The following MAGI3 variants were observed in gnomAD, a reference collection of about 807,000 sequenced individuals.
MAGI3 encodes the protein membrane-associated guanylate kinase, WW and PDZ domain-containing protein 3.
MAGI3 carries 43 observed loss-of-function variants against 121.8 expected under a neutral mutation model. That is an observed-to-expected ratio of 0.35 (90% CI 0.28 to 0.46). The LOEUF (loss-of-function observed/expected upper bound fraction) is 0.46. MAGI3 is among the 20% of genes least tolerant of loss of function. The pLI, the probability that MAGI3 is intolerant of heterozygous loss-of-function variation, is 1.00. For synonymous variants in MAGI3, 553 were observed against 639.3 expected, an observed-to-expected ratio of 0.86 and a Z score of 2.04; for missense variants, 1,547 against 1,797.3, an observed-to-expected ratio of 0.86 and a Z score of 2.52.
chr1:113,559,555 T>C (rs1660136947), intron 2 of MAGI3, among the ~76,000 whole-genome samples: 1 of 152,000 alleles, frequency 6.6e-6, no homozygotes, highest in South Asian at 2.1e-4. Context: ...AGCACCCAGA[T>C]TCATAAAGTT....
rs1049975584 is a variant in MAGI3, at chr1:113,432,068, G to T, written c.316+40719G>T. Among the ~76,000 whole-genome samples, 4 of 152,308 alleles carry T rather than the reference G, an allele frequency of 2.6e-5. 1 individual carries two copies. The East Asian group carries it at 7.7e-4, about 29-fold the overall frequency. On this transcript the variant is annotated intron_variant, in intron 1 of 20. Transcript: ENST00000307546. ...CTTTATGGAAACTTAATGTATGTCA[G>T]AGTGACACTGCAAGTTTGTGGAAAA... is the stretch of plus-strand genomic sequence containing the variant.
Position 113,607,437 on chromosome 1 carries a change from A to G in MAGI3, c.1019-7164A>G, listed in dbSNP as rs186434325. ...TATATAGTTTTTAAACTAACCTCAC[A>G]TAAAATGGAAATGTCACTTTAAAAG... On this transcript the variant is annotated intron_variant, in intron 6 of 20. Coordinates refer to ENST00000307546, the MANE Select transcript of MAGI3 (RefSeq NM_001142782.2). 3.9e-5 allele frequency among the ~76,000 whole-genome samples: 6 copies of G among 152,342 alleles called. No homozygotes were observed. The East Asian group carries it at 1.2e-3, about 29-fold the overall frequency.
chr1:113,451,066 A>C (rs1654461390), intron 1 of MAGI3, among the ~76,000 whole-genome samples: 1 of 152,140 alleles, frequency 6.6e-6, no homozygotes, highest in South Asian at 2.1e-4. Context: ...ATTGCCCTGT[A>C]AATTGTGGTA....
intron 13 of MAGI3, 123 bp from the exon 14 acceptor site, chr1:113,650,891 A>G: frequency 1.2e-6 from 1 of 810,012 alleles, no homozygotes; most frequent in Non-Finnish European, 2.0e-6. Context: ...TTTCTAAAAT[A>G]TAACTGTTTT....
At chr1:113,590,390 T>C in intron 4 of MAGI3, 94 bp from the exon 5 acceptor site, 2 of 1,194,040 alleles carry the variant, frequency 1.7e-6, no homozygotes, top group South Asian at 2.8e-5. Flanking sequence ...GCCATATTTA[T>C]GTATTTGGAA....
intron 1 of MAGI3, among the ~76,000 whole-genome samples, chr1:113,528,197 T>TC (rs1321552323): frequency 2.6e-5 from 4 of 152,096 alleles, no homozygotes; most frequent in Non-Finnish European, 5.9e-5. Flanking sequence ...GGCTTTTTTT[T>TC]CCCTTCCTAA....
In MAGI3 at chr1:113,622,949, G is replaced by T; in HGVS notation, c.1315G>T (p.Val439Leu). Residue 439 changes from valine (V) to leucine (L), a missense_variant, in exon 9 of 21, where the codon GTG becomes TTG. Coordinates refer to ENST00000307546, the MANE Select transcript of MAGI3 (RefSeq NM_001142782.2). ...TGATGAGTTCCTACAAGTGAAAAATGTGCTGAAAGATGGTCCCGCAGCTCA... is the reference window on the plus strand; with the variant it reads ...TGATGAGTTCCTACAAGTGAAAAATTTGCTGAAAGATGGTCCCGCAGCTCA... ...RPDEFLQVKNVLKDGPAAQDG... is the reference protein window; with the variant it reads ...RPDEFLQVKNLLKDGPAAQDG... 1.3e-6 allele frequency: 2 copies of T among 1,567,910 alleles called. No homozygotes were observed. The highest frequency in any genetic ancestry group is 1.7e-6 in the Non-Finnish European group (2 of 1,164,776).
intron 15 of MAGI3, among the ~76,000 whole-genome samples, chr1:113,656,801 G>A (rs1653498936): frequency 6.6e-6 from 1 of 152,144 alleles, no homozygotes. Flanking sequence ...TGTGGTACCA[G>A]TTATGGAATT....
In MAGI3 at chr1:113,598,409, ACC is replaced by A. The variant is rs1028142457; in HGVS notation, c.1018+3850_1018+3851del. 3.9e-4 allele frequency among the ~76,000 whole-genome samples: 59 copies of A among 152,284 alleles called. 1 individual carries two copies. Among genetic ancestry groups the A allele is most frequent in the African/African-American group, 1.3e-3 (55 of 41,550 alleles). ...TGGCAGAATGGATAAAAATTCACAA[ACC>A]AAATATCTGCTGTCTTCAAGAGATT... On this transcript the variant is annotated intron_variant, in intron 6 of 20. Coordinates refer to ENST00000307546, the MANE Select transcript of MAGI3 (RefSeq NM_001142782.2).
intron 1 of MAGI3, among the ~76,000 whole-genome samples, chr1:113,459,142 A>G (rs1654908919): frequency 6.6e-6 from 1 of 152,134 alleles, no homozygotes; most frequent in South Asian, 2.1e-4. Context: ...TTTGCATTTT[A>G]TTGTCAAAAG....
chr1:113,400,727 C>T (rs1651356539), intron 1 of MAGI3, among the ~76,000 whole-genome samples: 1 of 152,092 alleles, frequency 6.6e-6, no homozygotes, highest in Non-Finnish European at 1.5e-5. Flanking sequence ...AACACTTTGT[C>T]AAAATATTAT....
intron 14 of MAGI3, 134 bp from the exon 15 acceptor site, chr1:113,653,696 C>A: frequency 1.5e-6 from 1 of 671,158 alleles, no homozygotes; most frequent in Non-Finnish European, 2.3e-6. Context: ...CCGAAGCTCA[C>A]ATGTGGGGCT....
At chr1:113,478,994 A>C (rs573421534) in intron 1 of MAGI3, among the ~76,000 whole-genome samples, 1 of 152,274 alleles carries the variant, frequency 6.6e-6, no homozygotes, top group South Asian at 2.1e-4. Flanking sequence ...AGTCTCTCAG[A>C]TCAATCTCAG....
chr1:113,644,102 G>A (rs1216999026), intron 11 of MAGI3, among the ~76,000 whole-genome samples: 3 of 152,078 alleles, frequency 2.0e-5, no homozygotes, highest in Admixed American at 1.3e-4. Flanking sequence ...GAGAAACAAG[G>A]TAGGAAGGAC....
chr1:113,620,864 G>A (rs1369324101), intron 8 of MAGI3, among the ~76,000 whole-genome samples: 1 of 152,162 alleles, frequency 6.6e-6, no homozygotes, highest in Non-Finnish European at 1.5e-5. Flanking sequence ...ATATAAAGTA[G>A]GAATAATAAT....
chr1:113,507,542 A>G (rs1265209105), intron 1 of MAGI3, among the ~76,000 whole-genome samples: 2 of 152,094 alleles, frequency 1.3e-5, no homozygotes, highest in African/African-American at 4.8e-5. Flanking sequence ...AGACCACCCA[A>G]ATATCTTGAA....
intron 20 of MAGI3, among the ~76,000 whole-genome samples, 159 bp downstream of exon 20, chr1:113,681,495 A>G (rs1648214114): frequency 1.3e-5 from 2 of 152,258 alleles, no homozygotes; most frequent in African/African-American, 4.8e-5. Context: ...GTTATCATAA[A>G]TAGTATTAGA....
intron 2 of MAGI3, among the ~76,000 whole-genome samples, chr1:113,565,096 C>T (rs1451914265): frequency 2.6e-5 from 4 of 151,852 alleles, no homozygotes; most frequent in Admixed American, 6.6e-5. Flanking sequence ...GTGATCCGCC[C>T]GCCTCAGCCT....
At chr1:113,403,702 A>AGCTGAAAGCT (rs1651528107) in intron 1 of MAGI3, 2 of 152,292 alleles carry the variant, frequency 1.3e-5, no homozygotes, top group Middle Eastern at 6.8e-3. Flanking sequence ...CTTGTGTACA[A>AGCTGAAAGCT]GCTGAAAGCT....
Sources: gnomAD v4.1 joint callset for allele counts (sites outside exome capture counted in the v4.1 genomes callset) on GRCh38, gnomAD v4.1.1 for gene constraint, MANE v1.5 for transcripts, NCBI Gene and HGNC (gene_info 2026-07-23, HGNC 2026-07-21) for gene names.